Variants in GALNTL6 observed in about 807,000 individuals in gnomAD.
GALNTL6 encodes polypeptide N-acetylgalactosaminyltransferase like 6.
Under a neutral mutation model 73.7 loss-of-function variants are expected in GALNTL6, and 46 were observed. The ratio of observed to expected loss-of-function variants is 0.62; its 90% CI spans 0.49 to 0.80. The LOEUF (loss-of-function observed/expected upper bound fraction) is 0.80, where lower values mean the gene tolerates loss of function less well. Among genes scored for constraint, GALNTL6 ranks in the 30% least tolerant of loss-of-function variants. The pLI is 0.00. For missense variants in GALNTL6, 604 were observed against 755.0 expected, an observed-to-expected ratio of 0.80 and a Z score of 2.34; for synonymous variants, 259 against 263.7, an observed-to-expected ratio of 0.98 and a Z score of 0.17.
intron 5 of GALNTL6, among the ~76,000 whole-genome samples, chr4:172,687,384 C>G (rs1283415423): frequency 6.6e-6 from 1 of 152,008 alleles, no homozygotes; most frequent in Non-Finnish European, 1.5e-5. Context: ...AATCCCAGCA[C>G]TTTGGAAGGC....
rs749819121 is a variant in GALNTL6, at chr4:172,062,664, A to T, written c.139-166992A>T. Among the ~76,000 whole-genome samples, 55 of 152,374 alleles carry T rather than the reference A, an allele frequency of 3.6e-4. 1 individual carries two copies. The Middle Eastern group carries it at 0.014, about 38-fold the overall frequency. On this transcript the variant is annotated intron_variant, in intron 2 of 12. Transcript: ENST00000506823. ...AAAACACATTTCAACAAAGCATGTC[A>T]CATTTTAAAAAATGCAATTCTAAGA...
intron 5 of GALNTL6, among the ~76,000 whole-genome samples, chr4:172,475,239 G>A (rs1171337776): frequency 6.6e-6 from 1 of 152,108 alleles, no homozygotes; most frequent in African/African-American, 2.4e-5. Flanking sequence ...ATGACCACCA[G>A]GTCACTTTTC....
At chr4:172,692,193 C>T (rs1733348988) in intron 5 of GALNTL6, among the ~76,000 whole-genome samples, 1 of 151,998 alleles carries the variant, frequency 6.6e-6, no homozygotes. Flanking sequence ...CATATTTTAA[C>T]TCATATTCTA....
chr4:172,700,003 AC>A (rs1349772994), intron 5 of GALNTL6, among the ~76,000 whole-genome samples: 7 of 152,192 alleles, frequency 4.6e-5, no homozygotes, highest in African/African-American at 1.7e-4. Flanking sequence ...TACAAATGAT[AC>A]CAAGAAACTT....
At chr4:171,970,598 C>G (rs1739538719) in intron 2 of GALNTL6, among the ~76,000 whole-genome samples, 1 of 152,048 alleles carries the variant, frequency 6.6e-6, no homozygotes, top group African/African-American at 2.4e-5. Flanking sequence ...ATCCTTAATC[C>G]TAGGGAATTG....
chr4:172,523,785 T>C (rs2110825066), intron 5 of GALNTL6, among the ~76,000 whole-genome samples: 1 of 152,326 alleles, frequency 6.6e-6, no homozygotes, highest in East Asian at 1.9e-4. Context: ...ATTTCTTCTC[T>C]ACACTCTCTT....
chr4:172,537,957 G>T (rs957061399), intron 5 of GALNTL6, among the ~76,000 whole-genome samples: 3 of 152,166 alleles, frequency 2.0e-5, no homozygotes, highest in African/African-American at 4.8e-5. Flanking sequence ...TTATTTGGAG[G>T]TGAGGAGAAT....
intron 2 of GALNTL6, among the ~76,000 whole-genome samples, chr4:172,155,001 C>T (rs183624933): frequency 0.01 from 1,474 of 144,016 alleles, 24 homozygotes; most frequent in African/African-American, 0.035. Context: ...AAATCGTATC[C>T]TTTTTTTTTT....
chr4:172,311,591 C>T, intron 3 of GALNTL6, 23 bp from the exon 4 acceptor site: 1 of 1,583,594 alleles, frequency 6.3e-7, no homozygotes, highest in Non-Finnish European at 8.6e-7. Flanking sequence ...AGATGATAAT[C>T]TCATTTTGTT....
intron 5 of GALNTL6, among the ~76,000 whole-genome samples, chr4:172,617,592 T>C (rs1738789279): frequency 6.6e-6 from 1 of 151,960 alleles, no homozygotes; most frequent in Non-Finnish European, 1.5e-5. Context: ...TTCTCCTGCC[T>C]CAGCCTCCCG....
chr4:172,386,877 A>G (rs1401290617), intron 5 of GALNTL6, among the ~76,000 whole-genome samples: 4 of 152,162 alleles, frequency 2.6e-5, no homozygotes, highest in Admixed American at 1.3e-4. Context: ...TCAAAGGCCA[A>G]TCTACTCCAG....
intron 5 of GALNTL6, among the ~76,000 whole-genome samples, chr4:172,398,702 A>C (rs573101650): frequency 1.2e-4 from 18 of 152,352 alleles, no homozygotes; most frequent in Non-Finnish European, 1.5e-4. Context: ...AAACTATAAT[A>C]TATCAACTCT....
intron 7 of GALNTL6, among the ~76,000 whole-genome samples, chr4:172,857,030 A>G (rs545721792): frequency 8.5e-5 from 13 of 152,330 alleles, no homozygotes; most frequent in Non-Finnish European, 1.3e-4. Flanking sequence ...CCACTGTTTC[A>G]CAACCTAATT....
intron 5 of GALNTL6, among the ~76,000 whole-genome samples, chr4:172,445,906 T>C (rs1182964938): frequency 6.6e-6 from 1 of 152,176 alleles, no homozygotes. Context: ...ATTATTCTAA[T>C]GCCTTCATTA....
Position 171,832,576 on chromosome 4 carries a change from T to C in GALNTL6, c.138+17858T>C, listed in dbSNP as rs932637487. ...CAAGAACAATAGGCATGTGAATACA[T>C]TGCAAAAAAAAGTATAGAGTAAAAA... On this transcript the variant is annotated intron_variant, in intron 2 of 12. Transcript: ENST00000506823. 2.0e-5 allele frequency among the ~76,000 whole-genome samples: 3 copies of C among 151,348 alleles called. No homozygotes were observed. The East Asian group carries it at 5.8e-4, about 29-fold the overall frequency.
intron 2 of GALNTL6, among the ~76,000 whole-genome samples, chr4:171,878,694 T>C (rs1356115790): frequency 6.6e-6 from 1 of 152,182 alleles, no homozygotes; most frequent in Non-Finnish European, 1.5e-5. Context: ...AAATGATCGA[T>C]GGTTCATGAT....
intron 5 of GALNTL6, among the ~76,000 whole-genome samples, chr4:172,633,232 A>G (rs995608177): frequency 1.3e-5 from 2 of 152,140 alleles, no homozygotes; most frequent in African/African-American, 4.8e-5. Flanking sequence ...TGGACAGTGC[A>G]CCTGGAAAAG....
intron 2 of GALNTL6, among the ~76,000 whole-genome samples, chr4:171,868,741 G>A (rs903068471): frequency 1.3e-5 from 2 of 152,028 alleles, no homozygotes; most frequent in African/African-American, 4.8e-5. Context: ...GAGTGCAGTG[G>A]TGTGATCTTG....
intron 5 of GALNTL6, among the ~76,000 whole-genome samples, chr4:172,758,427 T>G (rs1737876823): frequency 6.6e-6 from 1 of 152,048 alleles, no homozygotes; most frequent in African/African-American, 2.4e-5. Context: ...TCCCAGCTAC[T>G]TGGGAGGCTG....
Sources: gnomAD v4.1 joint callset for allele counts (sites outside exome capture counted in the v4.1 genomes callset) on GRCh38, gnomAD v4.1.1 for gene constraint, MANE v1.5 for transcripts, NCBI Gene and HGNC (gene_info 2026-07-23, HGNC 2026-07-21) for gene names.